The following GPR137B variants were observed in gnomAD, a reference collection of about 807,000 sequenced individuals.
GPR137B encodes G protein-coupled receptor 137B.
A neutral mutation model predicts 42.5 loss-of-function variants in GPR137B; 42 were observed. The ratio of observed to expected loss-of-function variants is 0.99; its 90% confidence interval spans 0.77 to 1.28. The LOEUF (loss-of-function observed/expected upper bound fraction) is 1.28. Among genes scored for constraint, GPR137B ranks in the 50% most tolerant of loss-of-function variants. The pLI is 0.00. For synonymous variants in GPR137B, 218 were observed against 209.7 expected (o/e 1.04, Z -0.34); for missense variants, 487 against 493.9 (o/e 0.99, Z 0.13).
chr1:236,188,396 T>A (rs1265326842), intron 5 of GPR137B, among the ~76,000 whole-genome samples: 2 of 152,222 alleles, frequency 1.3e-5, no homozygotes, highest in African/African-American at 2.4e-5. Flanking sequence ...CCTTGCCTTG[T>A]GCGGGTTTTC....
chr1:236,206,322 A>T (rs1044502284), intron 6 of GPR137B, among the ~76,000 whole-genome samples: 1 of 152,198 alleles, frequency 6.6e-6, no homozygotes, highest in Non-Finnish European at 1.5e-5. Flanking sequence ...TCAGGCTACA[A>T]TTCTAACTCA....
chr1:236,189,562 A>G (rs1663130553), intron 5 of GPR137B, among the ~76,000 whole-genome samples: 1 of 152,036 alleles, frequency 6.6e-6, no homozygotes, highest in Non-Finnish European at 1.5e-5. Context: ...TTCTGCCTTA[A>G]TTTTCTTACT....
intron 5 of GPR137B, 61 bp downstream of exon 5, chr1:236,183,967 A>T: frequency 1.7e-6 from 2 of 1,185,316 alleles, no homozygotes; most frequent in Non-Finnish European, 2.4e-6. Context: ...TGGAACCTGC[A>T]ATTAGAACTT....
intron 5 of GPR137B, among the ~76,000 whole-genome samples, chr1:236,186,341 A>AATAATATAAATAATATATAATATATTAT (rs1663038816): frequency 3.6e-5 from 4 of 109,710 alleles, no homozygotes; most frequent in African/African-American, 1.5e-4. Flanking sequence ...AATTATATAT[A>AATAATATAAATAATATATAATATATTAT]TTATATAATA....
chr1:236,158,070 A>T (rs1662084915), intron 1 of GPR137B, among the ~76,000 whole-genome samples: 1 of 152,164 alleles, frequency 6.6e-6, no homozygotes, highest in African/African-American at 2.4e-5. Context: ...CTTTCCTGGG[A>T]GCAAATGGCA....
intron 1 of GPR137B, among the ~76,000 whole-genome samples, chr1:236,161,306 C>G (rs1662187585): frequency 6.6e-6 from 1 of 152,124 alleles, no homozygotes; most frequent in Non-Finnish European, 1.5e-5. Context: ...TGGTCCACAC[C>G]CCAGCCCGAC....
intron 1 of GPR137B, among the ~76,000 whole-genome samples, chr1:236,153,801 AG>A (rs1661938188): frequency 1.3e-5 from 2 of 152,240 alleles, no homozygotes; most frequent in African/African-American, 2.4e-5. Flanking sequence ...GTCCCCCTCT[AG>A]GATACATGCT....
At chr1:236,177,197 G>A (rs980049403) in intron 2 of GPR137B, among the ~76,000 whole-genome samples, 8 of 152,102 alleles carry the variant, frequency 5.3e-5, no homozygotes, top group African/African-American at 1.2e-4. Context: ...GTAAGTGGGG[G>A]GTTGTTATGT....
chr1:236,186,950 AT>A (rs777524697), intron 5 of GPR137B, among the ~76,000 whole-genome samples: 2 of 152,146 alleles, frequency 1.3e-5, no homozygotes, highest in African/African-American at 2.4e-5. Context: ...GGTTGAACTA[AT>A]TTACACTACC....
intron 1 of GPR137B, among the ~76,000 whole-genome samples, chr1:236,146,309 G>A (rs538539485): frequency 2.0e-5 from 3 of 152,198 alleles, no homozygotes; most frequent in Admixed American, 6.5e-5. Context: ...TTATTGAAGC[G>A]TCAGGAGACT....
chr1:236,144,493 A>G (rs1328001055), intron 1 of GPR137B, among the ~76,000 whole-genome samples: 1 of 152,266 alleles, frequency 6.6e-6, no homozygotes. Context: ...GACTGAAAAT[A>G]TGGAAGAAGT....
At chr1:236,189,210 T>C (rs1277734032) in intron 5 of GPR137B, among the ~76,000 whole-genome samples, 3 of 152,174 alleles carry the variant, frequency 2.0e-5, no homozygotes, top group Non-Finnish European at 4.4e-5. Context: ...TCTTCTCTCT[T>C]TTCTTCTTTA....
chr1:236,178,136 G>A (rs1025342105), intron 2 of GPR137B, among the ~76,000 whole-genome samples: 3 of 152,110 alleles, frequency 2.0e-5, no homozygotes, highest in African/African-American at 2.4e-5. Flanking sequence ...AGTAGGGAGC[G>A]CTCAGCGAGT....
At chr1:236,196,421 T>C (rs565183259) in intron 5 of GPR137B, among the ~76,000 whole-genome samples, 1 of 152,242 alleles carries the variant, frequency 6.6e-6, no homozygotes, top group Non-Finnish European at 1.5e-5. Flanking sequence ...ATTACAGGCA[T>C]GAGCCACTGT....
chr1:236,148,383 A>G (rs1661741052), intron 1 of GPR137B, among the ~76,000 whole-genome samples: 1 of 152,152 alleles, frequency 6.6e-6, no homozygotes, highest in South Asian at 2.1e-4. Flanking sequence ...CGGAATTCCC[A>G]GCCTGGAACT....
rs191570203 is a variant in GPR137B, at chr1:236,183,813, C to T, written c.873C>T (p.Tyr291=). 300 of 1,604,424 alleles carry T rather than the reference C, an allele frequency of 1.9e-4. 1 individual carries two copies. The East Asian group carries it at 5.3e-3, about 28-fold the overall frequency. The part of the protein sequence containing the change: ...DLKNQLGDAG[Y]VLFGVVLFVW... ...AGAATCAGCTGGGAGATGCTGGATACGTATTATTTGGAGTGGTGTTATTTG... is the reference window on the plus strand; with the variant it reads ...AGAATCAGCTGGGAGATGCTGGATATGTATTATTTGGAGTGGTGTTATTTG... The change falls in exon 5 of 7, where the codon TAC becomes TAT. Residue 291 remains tyrosine, a synonymous_variant. Transcript: ENST00000366592.
At chr1:236,180,211 T>C (rs10924533) in intron 4 of GPR137B, 183 bp downstream of exon 4, 19,033 of 569,926 alleles carry the variant, frequency 0.033, 1,837 homozygotes, top group African/African-American at 0.25. Context: ...CTCTAGATGA[T>C]TTACAATACC....
Position 236,178,660 on chromosome 1 carries a change from C to T in GPR137B, c.687+24C>T, listed in dbSNP as rs769784772. The T allele has an allele frequency of 2.9e-5, 40 of 1,385,492 alleles. No homozygotes were observed. In the African/African-American group the frequency reaches 4.8e-4, roughly 17 times the overall value. The allele number at this position is 1,385,492 out of a possible 1,614,324, so 85.8% of individuals were successfully genotyped here. A position where few individuals can be genotyped will look rare whatever the true frequency, so the allele number is the denominator to read the frequency against. ...AGGTAGGTGGAAATGTGGTCAAGAT[C>T]CCTCCCATGAAACGTGTTCTAAAAA... On this transcript the variant is annotated intron_variant, in intron 3 of 6. Coordinates refer to ENST00000366592, the MANE Select transcript of GPR137B (RefSeq NM_003272.4).
rs914430652 is a variant in GPR137B, at chr1:236,168,610, G to A, written c.415-96G>A. ...AATTATAAAAAACGTGCCCAGCGCT[G>A]GGGGATGAAGGGGCAGAGGAATTCC... On this transcript the variant is annotated intron_variant, in intron 1 of 6. Transcript: ENST00000366592. The A allele has an allele frequency of 3.6e-5, 33 of 905,294 alleles. No homozygotes were observed. The Middle Eastern group carries it at 8.5e-4, about 23-fold the overall frequency. The allele number at this position is 905,294 out of a possible 1,614,324, so 56.1% of individuals were successfully genotyped here. A position where few individuals can be genotyped will look rare whatever the true frequency, so the allele number is the denominator to read the frequency against.
Sources: gnomAD v4.1 joint callset for allele counts (sites outside exome capture counted in the v4.1 genomes callset) on GRCh38, gnomAD v4.1.1 for gene constraint, MANE v1.5 for transcripts, NCBI Gene and HGNC (gene_info 2026-07-23, HGNC 2026-07-21) for gene names.